Variants in CCDC93 observed in about 807,000 individuals in gnomAD.
The protein encoded by CCDC93 is CCC complex scaffolding subunit CCDC93.
In CCDC93, 61 loss-of-function variants were observed where a neutral mutation model predicts 108.2. The observed-to-expected ratio is 0.56, with a 90% confidence interval of 0.46 to 0.70. The LOEUF (loss-of-function observed/expected upper bound fraction) is 0.70. Ranked by LOEUF, CCDC93 falls within the 30% of genes least tolerant of loss-of-function variation. The probability of loss-of-function intolerance (pLI) is 0.00; values close to 1 mark genes in which losing one functional copy is unlikely to be tolerated. For synonymous variants in CCDC93, 276 were observed against 260.4 expected (o/e 1.06, Z -0.58); for missense variants, 685 against 764.2 (o/e 0.90, Z 1.22).
rs1172269648 is a variant in CCDC93, at chr2:117,916,813, G to C, written c.*3530C>G. 6.6e-6 allele frequency: 1 copy of C among 152,192 alleles called. No individual in the cohort carries two copies. The highest frequency in any genetic ancestry group is 1.5e-5 in the Non-Finnish European group (1 of 68,044). 9.4% of individuals were successfully genotyped at this position (152,192 alleles called of 1,614,324 possible). On this transcript the variant is annotated 3_prime_UTR_variant, in exon 24 of 24. Coordinates refer to ENST00000376300, the MANE Select transcript of CCDC93 (RefSeq NM_019044.5). ...CATTACCTTTTACAATGCATCTTCAGCCTGTAATAGAAGGAATGCTCTGGA... is the reference window on the plus strand; with the variant it reads ...CATTACCTTTTACAATGCATCTTCACCCTGTAATAGAAGGAATGCTCTGGA...
At chr2:117,993,387 C>CG (rs1305129823) in intron 6 of CCDC93, among the ~76,000 whole-genome samples, 3 of 146,096 alleles carry the variant, frequency 2.1e-5, no homozygotes. Context: ...CAGCGAGACT[C>CG]CGTCTCAAAA....
At position 117,949,336 on chromosome 2, in the gene CCDC93, G is replaced by A; in HGVS notation, c.1128C>T (p.Ser376=). The change falls in exon 14 of 24, where the codon TCC becomes TCT. Residue 376 remains serine, a synonymous_variant. Coordinates refer to ENST00000376300, the MANE Select transcript of CCDC93 (RefSeq NM_019044.5). ...AAACCTCTTACCTTGGATCAGCTTTGGATTCTATCTTCTCGAGGGCTGCTT... is the reference window on the plus strand; with the variant it reads ...AAACCTCTTACCTTGGATCAGCTTTAGATTCTATCTTCTCGAGGGCTGCTT... ...KEQAALEKIE[S]KADPSILQNL... 2.5e-6 allele frequency: 4 copies of A among 1,612,710 alleles called. No individual in the cohort carries two copies. The highest frequency in any genetic ancestry group is 3.4e-6 in the Non-Finnish European group (4 of 1,178,748).
At position 117,986,109 on chromosome 2, in the gene CCDC93, G is replaced by T. The variant is rs745706859; in HGVS notation, c.520-40C>A. 5.6e-6 allele frequency: 7 copies of T among 1,246,794 alleles called. No individual in the cohort carries two copies. In the Admixed American group the frequency reaches 1.1e-4, roughly 19 times the overall value. The allele number at this position is 1,246,794 out of a possible 1,614,324, so 77.2% of individuals were successfully genotyped here. On this transcript the variant is annotated intron_variant, in intron 6 of 23. Coordinates refer to ENST00000376300, the MANE Select transcript of CCDC93 (RefSeq NM_019044.5). ...CAGCCAAGTTACTGAGTGTGAGAAG[G>T]CTCTCCTCCTGAATTGGCTGCTGGA...
At chr2:117,985,451 A>G (rs1357932193) in intron 7 of CCDC93, 2 of 977,160 alleles carry the variant, frequency 2.0e-6, no homozygotes, top group Non-Finnish European at 2.4e-6. Flanking sequence ...CCCAGTGACA[A>G]GCAAAAAATT....
intron 7 of CCDC93, among the ~76,000 whole-genome samples, chr2:117,984,500 A>G (rs1680253360): frequency 1.3e-5 from 2 of 152,204 alleles, no homozygotes; most frequent in African/African-American, 2.4e-5. Context: ...TATCTACAAC[A>G]TATATACAAA....
At position 117,939,073 on chromosome 2, in the gene CCDC93, A is replaced by G; in HGVS notation, c.1561T>C (p.Leu521=). 6.2e-7 allele frequency: 1 copy of G among 1,607,840 alleles called. No individual in the cohort carries two copies. The highest frequency in any genetic ancestry group is 8.5e-7 in the Non-Finnish European group (1 of 1,174,640). ...VHKETKQFFT[L]YNTLDDKKVY... ...TTTTTATCATCCAGGGTATTATATA[A>G]AGTGAAGAACTGCTTGGTTTCTTTG... Residue 521 remains leucine, a synonymous_variant, in exon 20 of 24, where the codon TTA becomes CTA. Transcript: ENST00000376300.
At chr2:117,928,473 A>G (rs999443132) in intron 23 of CCDC93, among the ~76,000 whole-genome samples, 9 of 152,234 alleles carry the variant, frequency 5.9e-5, no homozygotes, top group Non-Finnish European at 1.0e-4. Context: ...ACTTCTCAAA[A>G]GAAGACATTT....
chr2:117,961,229 C>A (rs974510588), intron 11 of CCDC93, among the ~76,000 whole-genome samples: 3 of 151,994 alleles, frequency 2.0e-5, no homozygotes, highest in African/African-American at 7.3e-5. Context: ...AGAGAAAATG[C>A]TCGCAATGCA....
In CCDC93 at chr2:117,918,895, GT is replaced by G. The variant is rs1467602849; in HGVS notation, c.*1447del. 2 of 152,216 alleles carry G rather than the reference GT, an allele frequency of 1.3e-5. No homozygotes were observed. The highest frequency in any genetic ancestry group is 6.5e-5 in the Admixed American group (1 of 15,286). 9.4% of individuals were successfully genotyped at this position (152,216 alleles called of 1,614,324 possible). ...TGGCTGTTTTTAATCCAGCACGTGTGTGTGTTTTTAAATCTGTACACATCAG... is the reference window on the plus strand; with the variant it reads ...TGGCTGTTTTTAATCCAGCACGTGTGGTGTTTTTAAATCTGTACACATCAG... On this transcript the variant is annotated 3_prime_UTR_variant, in exon 24 of 24. Transcript: ENST00000376300.
At chr2:117,923,436 C>A (rs372402875) in intron 23 of CCDC93, among the ~76,000 whole-genome samples, 4 of 152,196 alleles carry the variant, frequency 2.6e-5, no homozygotes, top group South Asian at 2.1e-4. Context: ...GCTTTTCCAA[C>A]GGTCTTAGCA....
At chr2:117,993,690 T>C (rs182188713) in intron 6 of CCDC93, among the ~76,000 whole-genome samples, 2 of 152,312 alleles carry the variant, frequency 1.3e-5, no homozygotes, top group Admixed American at 6.5e-5. Context: ...CTGGTTACTA[T>C]TTGTCATGAG....
chr2:117,923,707 A>AG (rs57085117), intron 23 of CCDC93, among the ~76,000 whole-genome samples: 152,280 of 152,298 alleles, frequency 1, 76,131 homozygotes, highest in Non-Finnish European at 1. Context: ...CTCTGGGGGC[A>AG]GGCATAGCCA....
chr2:118,008,473 C>T (rs1311946594), intron 2 of CCDC93, 72 bp downstream of exon 2: 10 of 851,348 alleles, frequency 1.2e-5, no homozygotes, highest in Non-Finnish European at 1.9e-5. Flanking sequence ...ATCTTTTCCT[C>T]CTTTCTTTGC....
intron 11 of CCDC93, 73 bp downstream of exon 11, chr2:117,973,835 G>A: frequency 8.8e-7 from 1 of 1,141,514 alleles, no homozygotes; most frequent in Non-Finnish European, 1.3e-6. Flanking sequence ...CTGGGGTAGT[G>A]GGGTAAGGAA....
At chr2:118,003,892 T>G (rs1393424317) in intron 3 of CCDC93, among the ~76,000 whole-genome samples, 3 of 152,108 alleles carry the variant, frequency 2.0e-5, no homozygotes, top group Non-Finnish European at 4.4e-5. Context: ...CCTTTCAGCT[T>G]CTACCTGCGG....
chr2:117,945,709 C>T (rs1386090670), intron 16 of CCDC93, 127 bp from the exon 17 acceptor site: 2 of 728,938 alleles, frequency 2.7e-6, no homozygotes, highest in Admixed American at 4.4e-5. Context: ...GTGTTGATGT[C>T]CCCCGAGCAT....
At chr2:117,936,577 A>G in intron 21 of CCDC93, 125 bp downstream of exon 21, 1 of 794,948 alleles carries the variant, frequency 1.3e-6, no homozygotes, top group Non-Finnish European at 2.3e-6. Flanking sequence ...AAGAGTAAGA[A>G]TCACATACCC....
At chr2:117,981,787 A>G (rs2104793471) in intron 7 of CCDC93, among the ~76,000 whole-genome samples, 1 of 152,318 alleles carries the variant, frequency 6.6e-6, no homozygotes, top group African/African-American at 2.4e-5. Context: ...CCTGAGCCAC[A>G]CTAGTCGCAT....
chr2:118,009,179 T>C lies in CCDC93; in HGVS notation c.43-521A>G, dbSNP rs549548807. Among the ~76,000 whole-genome samples, 449 of 152,238 alleles carry C rather than the reference T, an allele frequency of 2.9e-3. 2 individuals are homozygous for C. Among genetic ancestry groups the C allele is most frequent in the African/African-American group, 0.01 (425 of 41,548 alleles). On this transcript the variant is annotated intron_variant, in intron 1 of 23. Transcript: ENST00000376300. ...TGAGGTCAGGAGTTCAAGACCAGCCTGGCCAACATGGTGAAACGCTATCTC... is the reference window on the plus strand; with the variant it reads ...TGAGGTCAGGAGTTCAAGACCAGCCCGGCCAACATGGTGAAACGCTATCTC...
Sources: allele counts gnomAD v4.1 joint callset (sites outside exome capture counted in the v4.1 genomes callset), GRCh38; gene constraint gnomAD v4.1.1; transcripts MANE v1.5; gene names NCBI Gene and HGNC (gene_info 2026-07-23, HGNC 2026-07-21).